CCDC171: variants seen among roughly 807,000 people sequenced by gnomAD.
CCDC171 encodes the protein coiled-coil domain containing 171, also known as coiled-coil domain-containing protein 171.
A neutral mutation model predicts 168.2 loss-of-function variants in CCDC171; 177 were observed. That is an observed-to-expected ratio of 1.05 (90% CI 0.93 to 1.19). CCDC171 has a LOEUF of 1.19. CCDC171 is among the 50% of genes most tolerant of loss of function. The probability of loss-of-function intolerance (pLI) is 0.00; values close to 1 mark genes in which losing one functional copy is unlikely to be tolerated. For synonymous variants in CCDC171, 687 were observed against 540.8 expected (o/e 1.27, Z -3.75); for missense variants, 1,991 against 1,539.0 (o/e 1.29, Z -4.91).
At chr9:16,032,868 A>G (rs1833388048) in intron 6 of CCDC171, among the ~76,000 whole-genome samples, 1 of 152,186 alleles carries the variant, frequency 6.6e-6, no homozygotes, top group South Asian at 2.1e-4. Context: ...GGATTTGGCA[A>G]AACAGGGACA....
chr9:15,879,534 A>G (rs1410305458), intron 24 of CCDC171, among the ~76,000 whole-genome samples: 1 of 152,116 alleles, frequency 6.6e-6, no homozygotes, highest in African/African-American at 2.4e-5. Flanking sequence ...TAGAACTTAT[A>G]CCTTCTAGCT....
chr9:15,879,255 A>G (rs1269002572), intron 24 of CCDC171, among the ~76,000 whole-genome samples: 2 of 152,206 alleles, frequency 1.3e-5, no homozygotes, highest in African/African-American at 2.4e-5. Context: ...TAATACACCT[A>G]TATATATTTA....
intron 9 of CCDC171, among the ~76,000 whole-genome samples, chr9:15,677,916 ATATATAT>A (rs2049737731): frequency 3.1e-5 from 1 of 32,324 alleles, no homozygotes; most frequent in African/African-American, 1.5e-4. Context: ...ATATATATAT[ATATATAT>A]ATAAGAGATG....
At chr9:15,970,411 A>T (rs1176524489) in intron 25 of CCDC171, among the ~76,000 whole-genome samples, 2 of 151,952 alleles carry the variant, frequency 1.3e-5, no homozygotes, top group African/African-American at 4.8e-5. Flanking sequence ...TTTTTTTTAA[A>T]ACCCTGCAAT....
intron 25 of CCDC171, among the ~76,000 whole-genome samples, chr9:15,961,274 T>C (rs1830304941): frequency 6.6e-6 from 1 of 152,130 alleles, no homozygotes; most frequent in African/African-American, 2.4e-5. Flanking sequence ...TGACATTAAA[T>C]AAAAAAGGTT....
intron 17 of CCDC171, 95 bp from the exon 18 acceptor site, chr9:15,745,420 C>G: frequency 1.5e-6 from 1 of 662,040 alleles, no homozygotes; most frequent in Non-Finnish European, 2.4e-6. Context: ...AGGGTTTTAT[C>G]TGTTTCTTAA....
intron 21 of CCDC171, among the ~76,000 whole-genome samples, chr9:15,805,959 A>G (rs1188100852): frequency 6.6e-6 from 1 of 152,038 alleles, no homozygotes; most frequent in Non-Finnish European, 1.5e-5. Flanking sequence ...GTGTATATAT[A>G]TTTAGTATAG....
chr9:15,676,236 G>A (rs1587898531), intron 9 of CCDC171, among the ~76,000 whole-genome samples: 2 of 152,082 alleles, frequency 1.3e-5, no homozygotes, highest in South Asian at 2.1e-4. Flanking sequence ...GGTCATTTAA[G>A]TTCTTCTCTA....
At chr9:15,863,586 C>A (rs1042895096) in intron 23 of CCDC171, among the ~76,000 whole-genome samples, 1 of 151,374 alleles carries the variant, frequency 6.6e-6, no homozygotes, top group African/African-American at 2.4e-5. Context: ...TTTTTCTTTT[C>A]ATTTACATTT....
chr9:15,650,367 G>T (rs1374998112), intron 7 of CCDC171, among the ~76,000 whole-genome samples: 1 of 151,986 alleles, frequency 6.6e-6, no homozygotes, highest in African/African-American at 2.4e-5. Flanking sequence ...CCTTCACGTT[G>T]TGCATATGTA....
At chr9:15,754,512 T>G (rs928955677) in intron 18 of CCDC171, among the ~76,000 whole-genome samples, 2 of 152,134 alleles carry the variant, frequency 1.3e-5, no homozygotes, top group Non-Finnish European at 2.9e-5. Context: ...ATAACATAAA[T>G]GAGCACACAT....
At chr9:15,558,325 T>G (rs960659697) in intron 1 of CCDC171, among the ~76,000 whole-genome samples, 4 of 152,166 alleles carry the variant, frequency 2.6e-5, no homozygotes, top group Non-Finnish European at 4.4e-5. Flanking sequence ...CCAGCTCCTC[T>G]TTGTACCTCT....
chr9:16,041,112 G>C (rs1159606738), upstream of CCDC171, among the ~76,000 whole-genome samples: 3 of 152,208 alleles, frequency 2.0e-5, no homozygotes, highest in African/African-American at 7.2e-5. Flanking sequence ...GAAAGTTCAA[G>C]ATGACACTGG....
At chr9:15,628,554 G>C (rs2045376126) in intron 7 of CCDC171, among the ~76,000 whole-genome samples, 1 of 152,236 alleles carries the variant, frequency 6.6e-6, no homozygotes, top group South Asian at 2.1e-4. Flanking sequence ...GCCCACCACA[G>C]CTCAAGGAGG....
intron 6 of CCDC171, among the ~76,000 whole-genome samples, chr9:16,035,233 GAAA>G (rs952142061): frequency 1.3e-5 from 2 of 152,116 alleles, no homozygotes; most frequent in East Asian, 3.9e-4. Context: ...AACATACTAA[GAAA>G]GAATCCACAG....
intron 10 of CCDC171, among the ~76,000 whole-genome samples, chr9:15,687,947 C>T (rs1587965028): frequency 6.6e-6 from 1 of 151,968 alleles, no homozygotes; most frequent in East Asian, 1.9e-4. Flanking sequence ...AGCGAAACCC[C>T]GTCTGTACTG....
chr9:15,984,261 G>A (rs1263804944), intron 3 of CCDC171, among the ~76,000 whole-genome samples: 1 of 152,182 alleles, frequency 6.6e-6, no homozygotes, highest in East Asian at 1.9e-4. Context: ...TACCACAGTG[G>A]ATGCATATAG....
the CCDC171 span, among the ~76,000 whole-genome samples, chr9:16,085,969 C>T: frequency 6.6e-6 from 1 of 152,124 alleles, no homozygotes; most frequent in Non-Finnish European, 1.5e-5. Context: ...AAGGATGATG[C>T]TGGTCTCATA....
chr9:15,685,061 C>G (rs542018098), intron 10 of CCDC171, among the ~76,000 whole-genome samples: 1 of 152,078 alleles, frequency 6.6e-6, no homozygotes, highest in Admixed American at 6.6e-5. Context: ...TAAGTGAGTC[C>G]CTTTATCTTA....
Sources: gnomAD v4.1 joint callset for allele counts (sites outside exome capture counted in the v4.1 genomes callset) on GRCh38, gnomAD v4.1.1 for gene constraint, MANE v1.5 for transcripts, NCBI Gene and HGNC (gene_info 2026-07-23, HGNC 2026-07-21) for gene names.